PTPRT: variants seen among roughly 807,000 people sequenced by gnomAD.
PTPRT encodes protein tyrosine phosphatase receptor type T.
Under a neutral mutation model 176.8 loss-of-function variants are expected in PTPRT, and 56 were observed. The observed-to-expected ratio is 0.32, with a 90% CI of 0.26 to 0.40. PTPRT has a LOEUF of 0.40. Ranked by LOEUF, PTPRT falls within the 10% of genes least tolerant of loss-of-function variation. PTPRT has a pLI of 1.00. For synonymous variants in PTPRT, 783 were observed against 739.0 expected (o/e 1.06, Z -0.96); for missense variants, 1,540 against 1,908.2 (o/e 0.81, Z 3.60).
At chr20:42,608,663 T>C (rs1003211490) in intron 7 of PTPRT, among the ~76,000 whole-genome samples, 8 of 152,128 alleles carry the variant, frequency 5.3e-5, no homozygotes, top group African/African-American at 1.9e-4. Flanking sequence ...TCCAACTAGA[T>C]TTCTCACACG....
At chr20:42,315,406 C>T (rs933903649) in intron 12 of PTPRT, among the ~76,000 whole-genome samples, 1 of 152,048 alleles carries the variant, frequency 6.6e-6, no homozygotes, top group African/African-American at 2.4e-5. Flanking sequence ...AAGTAAAGCA[C>T]CATCTCTTTA....
intron 7 of PTPRT, among the ~76,000 whole-genome samples, chr20:42,544,014 T>A (rs992093820): frequency 6.6e-6 from 1 of 152,150 alleles, no homozygotes; most frequent in Non-Finnish European, 1.5e-5. Context: ...GCAGGGTAGA[T>A]TTAGCGTAGT....
chr20:42,031,948 A>T, the PTPRT span, among the ~76,000 whole-genome samples: 3 of 152,300 alleles, frequency 2.0e-5, no homozygotes, highest in East Asian at 3.9e-4. Flanking sequence ...ACACTGTGAG[A>T]TGTGTACACT....
chr20:42,349,262 G>C (rs1213355439), intron 11 of PTPRT, among the ~76,000 whole-genome samples: 1 of 152,124 alleles, frequency 6.6e-6, no homozygotes, highest in East Asian at 1.9e-4. Flanking sequence ...TCTCATCCCA[G>C]CACTCCCACC....
At position 42,248,697 on chromosome 20, in the gene PTPRT, T is replaced by C. The variant is rs758233973; in HGVS notation, c.2302A>G (p.Ile768Val). The C allele has an allele frequency of 1.5e-5, 25 of 1,613,720 alleles. No individual in the cohort carries two copies. Among genetic ancestry groups the C allele is most frequent in the African/African-American group, 9.3e-5 (7 of 74,902 alleles). ...IIILLGVMLT[I>V]KRRRNAYSYS... ...GCAGCAGAGACTCACCTCCTTTTGA[T>C]GGTGAGCATCACGCCCAGGAGAATG... The change falls in exon 14 of 31, where the codon ATC becomes GTC. Residue 768 changes from isoleucine (I) to valine (V), a missense_variant. Physicochemically the swap from Ile to Val is conservative, Grantham distance 29. Coordinates refer to ENST00000373187, the MANE Select transcript of PTPRT (RefSeq NM_007050.6).
At chr20:42,326,304 C>G (rs1219652496) in intron 11 of PTPRT, among the ~76,000 whole-genome samples, 1 of 152,132 alleles carries the variant, frequency 6.6e-6, no homozygotes, top group Middle Eastern at 3.2e-3. Context: ...AGTCACTTTA[C>G]CTCTAGAACT....
At chr20:42,235,517 C>T (rs2056224289) in intron 15 of PTPRT, among the ~76,000 whole-genome samples, 1 of 152,046 alleles carries the variant, frequency 6.6e-6, no homozygotes, top group Non-Finnish European at 1.5e-5. Context: ...CTCTCGGCCT[C>T]CAAAGTGCTG....
At chr20:42,410,105 A>G (rs2058999163) in intron 9 of PTPRT, among the ~76,000 whole-genome samples, 1 of 152,182 alleles carries the variant, frequency 6.6e-6, no homozygotes, top group African/African-American at 2.4e-5. Flanking sequence ...CCAAAACTGC[A>G]TATTTCATTG....
At chr20:43,028,034 G>A (rs576149259) in intron 1 of PTPRT, among the ~76,000 whole-genome samples, 10 of 152,268 alleles carry the variant, frequency 6.6e-5, no homozygotes, top group East Asian at 3.9e-4. Context: ...AGAATTTTCC[G>A]AAGTAAGGTC....
intron 9 of PTPRT, among the ~76,000 whole-genome samples, chr20:42,407,074 A>C (rs912603931): frequency 6.6e-6 from 1 of 152,130 alleles, no homozygotes; most frequent in African/African-American, 2.4e-5. Flanking sequence ...AGCACATCAC[A>C]TTTCCCTGGT....
chr20:42,149,359 C>A (rs1989022310), intron 17 of PTPRT, among the ~76,000 whole-genome samples: 1 of 151,522 alleles, frequency 6.6e-6, no homozygotes, highest in Non-Finnish European at 1.5e-5. Context: ...GGTGTTCAAT[C>A]AAGGTCTCGT....
chr20:42,583,343 GTTC>G (rs1463636457), intron 7 of PTPRT, among the ~76,000 whole-genome samples: 2 of 152,158 alleles, frequency 1.3e-5, no homozygotes, highest in Non-Finnish European at 2.9e-5. Flanking sequence ...AAGCCTCACT[GTTC>G]TTCATTAACT....
chr20:42,294,720 A>G (rs1600795064), intron 12 of PTPRT, among the ~76,000 whole-genome samples: 1 of 152,098 alleles, frequency 6.6e-6, no homozygotes, highest in African/African-American at 2.4e-5. Context: ...TACAAACTGA[A>G]TTAAATATCC....
chr20:43,126,745 T>C (rs909094182), intron 1 of PTPRT, among the ~76,000 whole-genome samples: 2 of 152,156 alleles, frequency 1.3e-5, no homozygotes, highest in African/African-American at 2.4e-5. Flanking sequence ...CAATATCCCT[T>C]TCAGTCTCTC....
chr20:42,753,354 G>A (rs1219466520), intron 6 of PTPRT, among the ~76,000 whole-genome samples: 3 of 152,182 alleles, frequency 2.0e-5, no homozygotes, highest in East Asian at 3.9e-4. Flanking sequence ...AACATATGTT[G>A]AAGGGACTTC....
At chr20:42,706,184 TGTG>T (rs1261827599) in intron 6 of PTPRT, among the ~76,000 whole-genome samples, 2 of 55,518 alleles carry the variant, frequency 3.6e-5, no homozygotes, top group African/African-American at 1.4e-4. Flanking sequence ...TCTGTTTGTG[TGTG>T]TGTGTGTGTG....
chr20:42,580,233 T>C (rs903432349), intron 7 of PTPRT, among the ~76,000 whole-genome samples: 4 of 152,240 alleles, frequency 2.6e-5, no homozygotes, highest in Non-Finnish European at 4.4e-5. Flanking sequence ...GCATTATTGC[T>C]GAGGTCTCTG....
chr20:42,887,870 G>A (rs2079127402), intron 1 of PTPRT, among the ~76,000 whole-genome samples: 2 of 152,106 alleles, frequency 1.3e-5, no homozygotes, highest in Admixed American at 1.3e-4. Context: ...TGGAGCCTTT[G>A]GGAGATGCTT....
At chr20:42,333,164 T>C (rs930023444) in intron 11 of PTPRT, among the ~76,000 whole-genome samples, 11 of 152,178 alleles carry the variant, frequency 7.2e-5, no homozygotes, top group African/African-American at 2.7e-4. Flanking sequence ...TTTCTTTATT[T>C]CAACCAAAAC....
Sources: allele counts gnomAD v4.1 joint callset (sites outside exome capture counted in the v4.1 genomes callset), GRCh38; gene constraint gnomAD v4.1.1; transcripts MANE v1.5; gene names NCBI Gene and HGNC (gene_info 2026-07-23, HGNC 2026-07-21).